SNTG1: variants seen among roughly 807,000 people sequenced by gnomAD.
The protein encoded by SNTG1 is gamma-1-syntrophin.
In SNTG1, 39 loss-of-function variants were observed where a neutral mutation model predicts 74.7. That is an observed-to-expected ratio of 0.52 (90% confidence interval 0.40 to 0.68). The LOEUF is 0.68. Among genes scored for constraint, SNTG1 ranks in the 30% least tolerant of loss-of-function variants. The pLI, the probability that SNTG1 is intolerant of heterozygous loss-of-function variation, is 0.00. For synonymous variants in SNTG1, 254 were observed against 217.1 expected, an observed-to-expected ratio of 1.17 and a Z score of -1.49; for missense variants, 685 against 609.5, an observed-to-expected ratio of 1.12 and a Z score of -1.30.
At chr8:49,939,162 C>T (rs562948146) in intron 1 of SNTG1, among the ~76,000 whole-genome samples, 3 of 152,010 alleles carry the variant, frequency 2.0e-5, no homozygotes, top group South Asian at 4.2e-4. Flanking sequence ...TTTCCACTAG[C>T]GTGTTAAAAT....
intron 2 of SNTG1, among the ~76,000 whole-genome samples, chr8:50,301,539 G>A (rs1053896293): frequency 1.3e-5 from 2 of 151,824 alleles, no homozygotes; most frequent in Admixed American, 6.6e-5. Context: ...TAATTGATTT[G>A]GAGTCTTTGT....
At chr8:49,942,209 T>C (rs1459916542) in intron 1 of SNTG1, among the ~76,000 whole-genome samples, 3 of 152,196 alleles carry the variant, frequency 2.0e-5, no homozygotes, top group African/African-American at 4.8e-5. Flanking sequence ...GACTGAGACC[T>C]ACCCAGGACT....
At chr8:50,120,357 T>A (rs1051460471) in intron 1 of SNTG1, among the ~76,000 whole-genome samples, 1 of 139,908 alleles carries the variant, frequency 7.1e-6, no homozygotes, top group African/African-American at 2.6e-5. Flanking sequence ...CTACTGCCAC[T>A]AATACTACCA....
At chr8:50,482,074 A>C (rs1563450005) in intron 8 of SNTG1, among the ~76,000 whole-genome samples, 2 of 152,232 alleles carry the variant, frequency 1.3e-5, no homozygotes. Flanking sequence ...GTGATCTGAC[A>C]AATTGCTGCC....
chr8:49,971,964 C>A (rs185877878), intron 1 of SNTG1, among the ~76,000 whole-genome samples: 28 of 152,244 alleles, frequency 1.8e-4, no homozygotes, highest in African/African-American at 6.3e-4. Context: ...AGATTCAATG[C>A]CATCCCCATC....
chr8:50,227,333 T>C (rs2085380518), intron 2 of SNTG1, among the ~76,000 whole-genome samples: 1 of 152,140 alleles, frequency 6.6e-6, no homozygotes, highest in Non-Finnish European at 1.5e-5. Flanking sequence ...ACTGACCAGA[T>C]TCTGATGGTA....
At position 50,328,322 on chromosome 8, in the gene SNTG1, TC is replaced by T. The variant is rs544215209; in HGVS notation, c.-27-65889del. Among the ~76,000 whole-genome samples, 217 of 152,320 alleles carry T rather than the reference TC, an allele frequency of 1.4e-3. 1 individual carries two copies. The highest frequency in any genetic ancestry group is 5.0e-3 in the African/African-American group (209 of 41,568). On this transcript the variant is annotated intron_variant, in intron 2 of 18. Coordinates refer to ENST00000642720, the MANE Select transcript of SNTG1 (RefSeq NM_018967.5). ...TCAGAGTACTAACTTCATGCTTTTG[TC>T]TGTCAACTTTAAATATTTCACTCCA... is the stretch of plus-strand genomic sequence containing the variant.
At chr8:50,559,090 G>A (rs1288405398) in intron 12 of SNTG1, among the ~76,000 whole-genome samples, 3 of 152,118 alleles carry the variant, frequency 2.0e-5, no homozygotes, top group African/African-American at 7.2e-5. Flanking sequence ...GCAAAGTAAG[G>A]GGTGCTATTT....
intron 12 of SNTG1, among the ~76,000 whole-genome samples, chr8:50,588,842 T>C (rs2094671866): frequency 6.6e-6 from 1 of 152,188 alleles, no homozygotes; most frequent in Non-Finnish European, 1.5e-5. Context: ...TCTACTTTAT[T>C]ATTTTATTAT....
chr8:50,218,555 GT>G (rs57611150), intron 2 of SNTG1, among the ~76,000 whole-genome samples: 22 of 148,904 alleles, frequency 1.5e-4, no homozygotes, highest in African/African-American at 3.4e-4. Context: ...TTTTTTCTAT[GT>G]TTTTTTTTCA....
chr8:50,768,985 CCT>C (rs909918858), intron 18 of SNTG1, among the ~76,000 whole-genome samples: 1 of 151,870 alleles, frequency 6.6e-6, no homozygotes, highest in Non-Finnish European at 1.5e-5. Flanking sequence ...CAAGATAGTG[CCT>C]CTCTCTCCCT....
intron 13 of SNTG1, among the ~76,000 whole-genome samples, chr8:50,623,243 GT>G (rs1049912923): frequency 6.6e-6 from 1 of 152,036 alleles, no homozygotes; most frequent in Non-Finnish European, 1.5e-5. Context: ...ACCTTGTCTT[GT>G]TTTTGATCTG....
intron 11 of SNTG1, among the ~76,000 whole-genome samples, chr8:50,541,416 C>G (rs1479689422): frequency 6.6e-6 from 1 of 152,072 alleles, no homozygotes; most frequent in Non-Finnish European, 1.5e-5. Flanking sequence ...CCCTCTTGCC[C>G]TCCTCCCTCA....
At chr8:50,488,343 C>T (rs2093817836) in intron 8 of SNTG1, among the ~76,000 whole-genome samples, 1 of 152,126 alleles carries the variant, frequency 6.6e-6, no homozygotes, top group Non-Finnish European at 1.5e-5. Context: ...ATATTAGGTG[C>T]TATGTTTGAG....
chr8:50,179,002 G>A (rs2083105014), intron 2 of SNTG1, among the ~76,000 whole-genome samples: 1 of 152,066 alleles, frequency 6.6e-6, no homozygotes, highest in Non-Finnish European at 1.5e-5. Flanking sequence ...AATTTATTTT[G>A]AGTTGATTTT....
At chr8:50,129,224 T>C (rs1427139017) in intron 1 of SNTG1, among the ~76,000 whole-genome samples, 1 of 152,120 alleles carries the variant, frequency 6.6e-6, no homozygotes, top group Non-Finnish European at 1.5e-5. Context: ...TTGTTTATAC[T>C]TTAAAAGTTA....
chr8:50,083,527 G>GAAAGC (rs1822599476), intron 1 of SNTG1, among the ~76,000 whole-genome samples: 1 of 152,132 alleles, frequency 6.6e-6, no homozygotes, highest in South Asian at 2.1e-4. Flanking sequence ...GGAAATCTGT[G>GAAAGC]AACTTCATTA....
intron 8 of SNTG1, among the ~76,000 whole-genome samples, chr8:50,471,419 T>A (rs1289922869): frequency 6.6e-6 from 1 of 152,108 alleles, no homozygotes; most frequent in Non-Finnish European, 1.5e-5. Context: ...AGCAAGATAT[T>A]ACTACAACCT....
chr8:50,775,177 TA>T (rs1344263917), intron 18 of SNTG1, among the ~76,000 whole-genome samples: 1 of 151,510 alleles, frequency 6.6e-6, no homozygotes, highest in African/African-American at 2.4e-5. Context: ...AGGCAGAGAT[TA>T]ACATAATGCA....
Sources: gnomAD v4.1 joint callset for allele counts (sites outside exome capture counted in the v4.1 genomes callset) on GRCh38, gnomAD v4.1.1 for gene constraint, MANE v1.5 for transcripts, NCBI Gene and HGNC (gene_info 2026-07-23, HGNC 2026-07-21) for gene names.